CNTNAP2: variants seen among roughly 807,000 people sequenced by gnomAD.
CNTNAP2 encodes the protein contactin-associated protein-like 2.
Under a neutral mutation model 155.2 loss-of-function variants are expected in CNTNAP2, and 98 were observed. The observed-to-expected ratio is 0.63, with a 90% CI of 0.54 to 0.75. CNTNAP2 has a LOEUF of 0.75. CNTNAP2 is among the 30% of genes least tolerant of loss of function. The pLI is 0.00. For synonymous variants in CNTNAP2, 651 were observed against 631.2 expected, an observed-to-expected ratio of 1.03 and a Z score of -0.47; for missense variants, 1,727 against 1,688.1, an observed-to-expected ratio of 1.02 and a Z score of -0.40.
chr7:147,930,406 T>G (rs1341626073), intron 14 of CNTNAP2, among the ~76,000 whole-genome samples: 1 of 152,084 alleles, frequency 6.6e-6, no homozygotes, highest in Non-Finnish European at 1.5e-5. Context: ...TCTATGCAAA[T>G]GGCAACCAAA....
At chr7:148,180,549 G>GAA (rs569209567) in intron 18 of CNTNAP2, among the ~76,000 whole-genome samples, 1 of 145,806 alleles carries the variant, frequency 6.9e-6, no homozygotes, top group South Asian at 2.2e-4. Context: ...TTTCTCAGAA[G>GAA]AAAAAAAAAA....
At chr7:147,179,627 C>A (rs1685862022) in intron 8 of CNTNAP2, among the ~76,000 whole-genome samples, 1 of 152,004 alleles carries the variant, frequency 6.6e-6, no homozygotes, top group South Asian at 2.1e-4. Flanking sequence ...GGTAATTAGT[C>A]TTATCAAAAT....
chr7:148,194,555 GGAGGC>G (rs1480777099), intron 18 of CNTNAP2, among the ~76,000 whole-genome samples: 2 of 152,090 alleles, frequency 1.3e-5, no homozygotes, highest in African/African-American at 4.8e-5. Context: ...ATGCAATTAT[GGAGGC>G]CAAGACAGTC....
chr7:147,334,457 C>A (rs1355314644), intron 9 of CNTNAP2, among the ~76,000 whole-genome samples: 1 of 152,140 alleles, frequency 6.6e-6, no homozygotes, highest in Admixed American at 6.5e-5. Flanking sequence ...TCTCTAATAA[C>A]AACAATAATG....
intron 13 of CNTNAP2, among the ~76,000 whole-genome samples, chr7:147,825,583 A>T (rs1798433728): frequency 6.6e-6 from 1 of 152,224 alleles, no homozygotes; most frequent in Admixed American, 6.5e-5. Context: ...TTAAAAATAA[A>T]CATCTAAAGA....
chr7:147,261,489 A>G (rs904042414), intron 8 of CNTNAP2, among the ~76,000 whole-genome samples: 1 of 152,116 alleles, frequency 6.6e-6, no homozygotes. Flanking sequence ...TGCTGGTACC[A>G]ATATTTGGAA....
At chr7:147,626,131 A>C (rs1042636669) in intron 12 of CNTNAP2, among the ~76,000 whole-genome samples, 11 of 152,028 alleles carry the variant, frequency 7.2e-5, no homozygotes, top group Non-Finnish European at 1.5e-4. Flanking sequence ...TGAAATTTGT[A>C]GTTGTTTCAA....
Position 146,812,169 on chromosome 7 carries a change from A to G in CNTNAP2, c.209-27542A>G, listed in dbSNP as rs562313980. On this transcript the variant is annotated intron_variant, in intron 2 of 23. Transcript: ENST00000361727. ...TAGAGGGCTCAGAAGAAGACAGGAA[A>G]ATGTGGGAAAGCTCAGAACTTCCTA... Among the ~76,000 whole-genome samples the G allele has an allele frequency of 1.0e-3, 159 of 152,198 alleles. 3 individuals are homozygous for G. In the South Asian group the frequency reaches 0.027, roughly 26 times the overall value.
intron 2 of CNTNAP2, among the ~76,000 whole-genome samples, chr7:146,826,733 A>G (rs1036838750): frequency 6.6e-6 from 1 of 152,050 alleles, no homozygotes; most frequent in Non-Finnish European, 1.5e-5. Context: ...TAGAGTTTTA[A>G]TACAATCCAA....
At chr7:147,083,492 C>T (rs1429315546) in intron 4 of CNTNAP2, among the ~76,000 whole-genome samples, 1 of 147,672 alleles carries the variant, frequency 6.8e-6, no homozygotes, top group Non-Finnish European at 1.5e-5. Flanking sequence ...AAAAGACTAA[C>T]TCGTTTTCAG....
At chr7:146,428,335 C>T (rs1796122232) in intron 1 of CNTNAP2, among the ~76,000 whole-genome samples, 2 of 152,112 alleles carry the variant, frequency 1.3e-5, no homozygotes, top group South Asian at 2.1e-4. Context: ...TCTTCCACAA[C>T]GGTTGAACTA....
chr7:148,106,493 G>GAGAGATATATAT (rs1554472856), intron 15 of CNTNAP2, among the ~76,000 whole-genome samples: 3 of 124,910 alleles, frequency 2.4e-5, no homozygotes, highest in African/African-American at 1.0e-4. Flanking sequence ...CACACTTTGA[G>GAGAGATATATAT]ATATATATAT....
At chr7:146,867,163 C>A (rs1033634061) in intron 3 of CNTNAP2, among the ~76,000 whole-genome samples, 1 of 151,978 alleles carries the variant, frequency 6.6e-6, no homozygotes, top group African/African-American at 2.4e-5. Context: ...TATTCTTCTC[C>A]CTCTTCCAAA....
chr7:146,756,978 A>G (rs1386034619), intron 1 of CNTNAP2, among the ~76,000 whole-genome samples: 1 of 152,150 alleles, frequency 6.6e-6, no homozygotes, highest in African/African-American at 2.4e-5. Flanking sequence ...ATAACTCAGA[A>G]TTGTAAAATG....
At chr7:146,660,047 C>T (rs1800060494) in intron 1 of CNTNAP2, among the ~76,000 whole-genome samples, 1 of 152,234 alleles carries the variant, frequency 6.6e-6, no homozygotes, top group South Asian at 2.1e-4. Context: ...GAAGTCATCC[C>T]TTTCACCTGA....
chr7:147,542,562 A>G (rs1310472606), intron 11 of CNTNAP2, among the ~76,000 whole-genome samples: 1 of 152,206 alleles, frequency 6.6e-6, no homozygotes, highest in African/African-American at 2.4e-5. Flanking sequence ...TAGGGCATAT[A>G]TGTTCACATA....
chr7:147,648,909 C>A (rs1470085337), intron 13 of CNTNAP2, among the ~76,000 whole-genome samples: 1 of 152,162 alleles, frequency 6.6e-6, no homozygotes, highest in Non-Finnish European at 1.5e-5. Flanking sequence ...ATGGAGAAGT[C>A]AATGCTTGGC....
chr7:148,183,506 G>A (rs1482910093), intron 18 of CNTNAP2, among the ~76,000 whole-genome samples: 1 of 134,072 alleles, frequency 7.5e-6, no homozygotes, highest in Non-Finnish European at 1.5e-5. Context: ...TTTGAGACAG[G>A]CTTTGAGCTT....
At chr7:148,334,819 G>T (rs1162084768) in intron 21 of CNTNAP2, among the ~76,000 whole-genome samples, 1 of 152,228 alleles carries the variant, frequency 6.6e-6, no homozygotes. Flanking sequence ...ATCATTGGGG[G>T]AGACTTTGGG....
Sources: gnomAD v4.1 joint callset for allele counts (sites outside exome capture counted in the v4.1 genomes callset) on GRCh38, gnomAD v4.1.1 for gene constraint, MANE v1.5 for transcripts, NCBI Gene and HGNC (gene_info 2026-07-23, HGNC 2026-07-21) for gene names.